BIN1: variants seen among roughly 807,000 people sequenced by gnomAD.
BIN1 encodes the protein bridging integrator 1.
In BIN1, 53 loss-of-function variants were observed where a neutral mutation model predicts 82.0. That is an observed-to-expected ratio of 0.65 (90% CI 0.52 to 0.81). The LOEUF (loss-of-function observed/expected upper bound fraction) is 0.81, where lower values mean the gene tolerates loss of function less well. BIN1 is among the 40% of genes least tolerant of loss of function. The pLI is 0.00. For missense variants in BIN1, 642 were observed against 784.4 expected (o/e 0.82, Z 2.17); for synonymous variants, 302 against 328.0 (o/e 0.92, Z 0.86).
In BIN1 at chr2:127,057,325, TG is replaced by T; in HGVS notation, c.1131+147del. The T allele has an allele frequency of 9.1e-7, 1 of 1,102,104 alleles. No homozygotes were observed. Among genetic ancestry groups the T allele is most frequent in the Non-Finnish European group, 1.2e-6 (1 of 818,102 alleles). 68.3% of individuals were successfully genotyped at this position (1,102,104 alleles called of 1,614,324 possible). A position where few individuals can be genotyped will look rare whatever the true frequency, so the allele number is the denominator to read the frequency against. ...ATGGAGGATGATGGAGGATGATGGA[TG>T]GAGGGAACAAAGGGTGAGAGAGGGA... is the stretch of plus-strand genomic sequence containing the variant. On this transcript the variant is annotated intron_variant, in intron 12 of 18. Coordinates refer to ENST00000316724, the MANE Select transcript of BIN1 (RefSeq NM_139343.3). This position sits in a 1 kb window ranked among gnomAD's most constrained non-coding sequence, Gnocchi z 5.0.
rs1244900697 is a variant in BIN1, at chr2:127,106,848, C to G, written c.84+12G>C. 2.5e-6 allele frequency: 4 copies of G among 1,593,826 alleles called. No individual in the cohort carries two copies. Among genetic ancestry groups the G allele is most frequent in the Non-Finnish European group, 3.4e-6 (4 of 1,172,352 alleles). ...TGGGACTCCGCGGCTGCTGGGGCTC[C>G]GGCTCGCTCACCTTCTCCTGCGCGC... is the stretch of plus-strand genomic sequence containing the variant. On this transcript the variant is annotated intron_variant, in intron 1 of 18. Transcript: ENST00000316724.
chr2:127,069,195 C>G (rs577539782), intron 5 of BIN1, among the ~76,000 whole-genome samples, 164 bp from the exon 6 acceptor site: 2 of 152,324 alleles, frequency 1.3e-5, no homozygotes, highest in East Asian at 3.9e-4. Flanking sequence ...AGAGCTCACC[C>G]CCTCCTGGCC....
rs528379142 is a variant in BIN1, at chr2:127,057,927, G to C, written c.1003-326C>G. Reference sequence around the variant, plus strand: ...GCCCCAGGCTGCCCACTGGCCAACTGTGGGAGGGGCTGGCTCCCACTGGCC... The same window carrying C: ...GCCCCAGGCTGCCCACTGGCCAACTCTGGGAGGGGCTGGCTCCCACTGGCC... On this transcript the variant is annotated intron_variant, in intron 11 of 18. Transcript: ENST00000316724. This position sits in a 1 kb window ranked among gnomAD's most constrained non-coding sequence, Gnocchi z 5.0. Among the ~76,000 whole-genome samples the C allele has an allele frequency of 3.3e-5, 5 of 152,188 alleles. No homozygotes were observed. In the South Asian group the frequency reaches 1.0e-3, roughly 32 times the overall value.
At chr2:127,063,890 T>C (rs1477932558) in intron 8 of BIN1, 43 bp downstream of exon 8, 6 of 1,611,138 alleles carry the variant, frequency 3.7e-6, no homozygotes, top group Middle Eastern at 3.3e-4. Flanking sequence ...GCACGCAGAC[T>C]GGACACTGCC....
intron 13 of BIN1, 80 bp downstream of exon 13, chr2:127,053,825 C>T (rs967800714): frequency 5.1e-6 from 7 of 1,383,090 alleles, no homozygotes; most frequent in South Asian, 2.5e-5. Context: ...GCTGGGGTCA[C>T]GTGGCCAATA....
At chr2:127,092,440 G>A (rs1397055154) in intron 1 of BIN1, among the ~76,000 whole-genome samples, 1 of 152,184 alleles carries the variant, frequency 6.6e-6, no homozygotes, top group Non-Finnish European at 1.5e-5. Flanking sequence ...ACCTTAGAGG[G>A]AGGTAACAGG....
intron 16 of BIN1, 32 bp from the exon 17 acceptor site, chr2:127,050,944 G>A (rs1417517884): frequency 6.2e-7 from 1 of 1,606,262 alleles, no homozygotes; most frequent in Non-Finnish European, 8.5e-7. Context: ...AGCTGAGCAG[G>A]GAGGTGGTCC....
At chr2:127,056,140 G>C (rs1217585269) in intron 12 of BIN1, 1 of 152,282 alleles carries the variant, frequency 6.6e-6, no homozygotes, top group African/African-American at 2.4e-5. Context: ...CAAACAATGG[G>C]GTATAGGAAG....
chr2:127,052,211 G>A, intron 15 of BIN1, 44 bp downstream of exon 15: 1 of 1,534,668 alleles, frequency 6.5e-7, no homozygotes, highest in Non-Finnish European at 8.8e-7. Flanking sequence ...TGCACCCCTA[G>A]AGACTGGGGA....
intron 1 of BIN1, among the ~76,000 whole-genome samples, chr2:127,086,482 C>T (rs1678173961): frequency 6.6e-6 from 1 of 151,714 alleles, no homozygotes; most frequent in Non-Finnish European, 1.5e-5. Flanking sequence ...GGCCTGGCCT[C>T]GCCCCCACAT....
intron 2 of BIN1, among the ~76,000 whole-genome samples, chr2:127,075,993 AGCCCTCTCCC>A (rs1686554335): frequency 7.7e-6 from 1 of 130,156 alleles, no homozygotes; most frequent in African/African-American, 3.0e-5. Context: ...GCTGCTCCCC[AGCCCTCTCCC>A]AAATGCTCCC....
At chr2:127,062,328 GA>G in intron 9 of BIN1, 131 bp from the exon 10 acceptor site, 1 of 920,488 alleles carries the variant, frequency 1.1e-6, no homozygotes, top group Non-Finnish European at 1.7e-6. Context: ...CCCCATCTGT[GA>G]GAGCAAGGAA....
chr2:127,073,032 C>CG (rs1686105318), intron 2 of BIN1, among the ~76,000 whole-genome samples: 2 of 152,248 alleles, frequency 1.3e-5, no homozygotes, highest in African/African-American at 4.8e-5. Context: ...ACCTCCCCCC[C>CG]ACAGCAGGGG....
intron 2 of BIN1, 126 bp from the exon 3 acceptor site, chr2:127,070,942 G>C: frequency 1.1e-6 from 1 of 946,818 alleles, no homozygotes; most frequent in Non-Finnish European, 1.6e-6. Flanking sequence ...CTGATCAGCT[G>C]ACCTCCCAAC....
Position 127,067,517 on chromosome 2 carries a change from G to C in BIN1, c.612+646C>G, listed in dbSNP as rs1167470116. Among the ~76,000 whole-genome samples the C allele has an allele frequency of 6.6e-6, 1 of 152,186 alleles. No individual in the cohort carries two copies. Among genetic ancestry groups the C allele is most frequent in the Non-Finnish European group, 1.5e-5 (1 of 68,022 alleles). Reference sequence around the variant, plus strand: ...AGGAACACTGTGGTGCTGGTCACTTGCCCTCCATGAATCCCCAAAGGCCAA... The same window carrying C: ...AGGAACACTGTGGTGCTGGTCACTTCCCCTCCATGAATCCCCAAAGGCCAA... On this transcript the variant is annotated intron_variant, in intron 7 of 18. Coordinates refer to ENST00000316724, the MANE Select transcript of BIN1 (RefSeq NM_139343.3). The surrounding 1 kb of genome is among the most constrained non-coding windows in gnomAD (Gnocchi z 4.7).
At chr2:127,053,318 GT>G in intron 14 of BIN1, 103 bp downstream of exon 14, 1 of 1,502,998 alleles carries the variant, frequency 6.7e-7, no homozygotes, top group Non-Finnish European at 9.2e-7. Flanking sequence ...TGGGGGGTGT[GT>G]GGGGTGCATG....
intron 1 of BIN1, among the ~76,000 whole-genome samples, chr2:127,097,863 C>T (rs577285315): frequency 1.3e-5 from 2 of 152,342 alleles, no homozygotes; most frequent in East Asian, 3.9e-4. Context: ...TGGGCCCTGA[C>T]AAGCACTGTT....
In BIN1 at chr2:127,070,237, G is replaced by A. The variant is rs1685703203; in HGVS notation, c.316-147C>T. The A allele has an allele frequency of 5.5e-6, 4 of 729,924 alleles. No homozygotes were observed. The Admixed American group carries it at 8.3e-5, about 15-fold the overall frequency. 45.2% of individuals were successfully genotyped at this position (729,924 alleles called of 1,614,324 possible). On this transcript the variant is annotated intron_variant, in intron 4 of 18. Coordinates refer to ENST00000316724, the MANE Select transcript of BIN1 (RefSeq NM_139343.3). ...TCAGTTTCCCCATCTGTAAGATGGG[G>A]GCAAATGTTCCTGCCCTATTGGGGT...
At chr2:127,103,645 G>A (rs894387418) in intron 1 of BIN1, among the ~76,000 whole-genome samples, 2 of 152,182 alleles carry the variant, frequency 1.3e-5, no homozygotes, top group African/African-American at 4.8e-5. Flanking sequence ...CCAAGCCGTG[G>A]GCCTTCAGGG....
Sources: gnomAD v4.1 joint callset for allele counts (sites outside exome capture counted in the v4.1 genomes callset) on GRCh38, gnomAD v4.1.1 for gene constraint, Gnocchi (gnomAD v3.1) non-coding constraint, MANE v1.5 for transcripts, NCBI Gene and HGNC (gene_info 2026-07-23, HGNC 2026-07-21) for gene names.